Variants in ZMIZ1 observed in about 807,000 individuals in gnomAD.
The protein encoded by ZMIZ1 is zinc finger MIZ domain-containing protein 1.
A neutral mutation model predicts 113.9 loss-of-function variants in ZMIZ1; 17 were observed. The observed-to-expected ratio is 0.15, with a 90% CI of 0.10 to 0.22. The LOEUF (loss-of-function observed/expected upper bound fraction) is 0.22, where lower values mean the gene tolerates loss of function less well. Among genes scored for constraint, ZMIZ1 ranks in the 10% least tolerant of loss-of-function variants. ZMIZ1 has a pLI of 1.00. For missense variants in ZMIZ1, 1,059 were observed against 1,477.8 expected, an observed-to-expected ratio of 0.72 and a Z score of 4.65; for synonymous variants, 607 against 603.1, an observed-to-expected ratio of 1.01 and a Z score of -0.09.
chr10:79,182,202 G>A (rs1043206404), intron 4 of ZMIZ1, among the ~76,000 whole-genome samples: 37 of 152,198 alleles, frequency 2.4e-4, no homozygotes, highest in South Asian at 2.1e-4. Flanking sequence ...AATTTAATCC[G>A]CCCAAGCTCA....
intron 1 of ZMIZ1, among the ~76,000 whole-genome samples, chr10:79,087,950 C>T (rs1043703732): frequency 6.6e-6 from 1 of 152,234 alleles, no homozygotes; most frequent in Non-Finnish European, 1.5e-5. Flanking sequence ...CCACAGCCAC[C>T]ACCAGGCTCT....
intron 1 of ZMIZ1, among the ~76,000 whole-genome samples, chr10:79,082,782 C>T (rs1842698100): frequency 6.6e-6 from 1 of 152,214 alleles, no homozygotes; most frequent in African/African-American, 2.4e-5. Flanking sequence ...AGACCTCTGC[C>T]AGGCCCTGCG....
intron 8 of ZMIZ1, among the ~76,000 whole-genome samples, chr10:79,284,446 G>A (rs1244091937): frequency 6.6e-6 from 1 of 152,138 alleles, no homozygotes; most frequent in African/African-American, 2.4e-5. Flanking sequence ...ATTTTTTCTA[G>A]TTGACAGGTA....
Position 79,294,476 on chromosome 10 carries a change from G to C in ZMIZ1, c.1230+823G>C, listed in dbSNP as rs531895971. The C allele has an allele frequency of 4.6e-5, 7 of 152,498 alleles. No individual in the cohort carries two copies. In the South Asian group the frequency reaches 1.4e-3, roughly 32 times the overall value. 9.4% of individuals were successfully genotyped at this position (152,498 alleles called of 1,614,324 possible). On this transcript the variant is annotated intron_variant, in intron 12 of 24. Transcript: ENST00000334512. ...AAAAGTTTTTAGCAGAGACTCACCA[G>C]GGAATGAAGCATAGCAGACTGCACA... is the stretch of plus-strand genomic sequence containing the variant.
At chr10:79,223,853 G>A (rs985287361) in intron 7 of ZMIZ1, among the ~76,000 whole-genome samples, 1 of 152,226 alleles carries the variant, frequency 6.6e-6, no homozygotes, top group South Asian at 2.1e-4. Context: ...GAGGGATGAG[G>A]CCTGAGATCC....
chr10:79,270,481 C>A (rs1232882505), intron 7 of ZMIZ1, among the ~76,000 whole-genome samples: 5 of 152,164 alleles, frequency 3.3e-5, no homozygotes, highest in Admixed American at 6.5e-5. Flanking sequence ...AGATACCAGC[C>A]CTGGTCGCAC....
At position 79,298,466 on chromosome 10, in the gene ZMIZ1, C is replaced by A; in HGVS notation, c.1552C>A (p.Pro518Thr). 8.7e-6 allele frequency: 14 copies of A among 1,605,474 alleles called. No homozygotes were observed. The highest frequency in any genetic ancestry group is 1.1e-5 in the Non-Finnish European group (13 of 1,176,114). ...PHSPVPGNPT[P>T]PMTPGSSIPP... ...CTCACCTGTTCCAGGGAACCCCACA[C>A]CCCCCATGACCCCTGGGAGCAGCAT... is the stretch of plus-strand genomic sequence containing the variant. The change falls in exon 15 of 25, where the codon CCC becomes ACC. Residue 518 changes from proline to threonine, a missense_variant. Coordinates refer to ENST00000334512, the MANE Select transcript of ZMIZ1 (RefSeq NM_020338.4).
rs1236747463 is a variant in ZMIZ1 at position 79,119,011 on chromosome 10, A to G, written c.-240A>G. The stretch of plus-strand genomic sequence containing the variant: ...CAGACTTGAGTCCTGGTCCTTCTGC[A>G]GAGGCCTGAGCAGGTAAGTGGGATG... On this transcript the variant is annotated 5_prime_UTR_variant, in exon 2 of 25. Transcript: ENST00000334512. 1.3e-5 allele frequency: 2 copies of G among 152,644 alleles called. No individual in the cohort carries two copies. Among genetic ancestry groups the G allele is most frequent in the African/African-American group, 4.8e-5 (2 of 41,580 alleles). 9.5% of individuals were successfully genotyped at this position (152,644 alleles called of 1,614,324 possible).
intron 4 of ZMIZ1, among the ~76,000 whole-genome samples, chr10:79,162,655 C>T (rs1846161739): frequency 6.6e-6 from 1 of 152,218 alleles, no homozygotes; most frequent in Non-Finnish European, 1.5e-5. Context: ...ACCCATCTAT[C>T]AAATGGGAAT....
Position 79,296,495 on chromosome 10 carries a change from G to A in ZMIZ1, c.1255G>A (p.Gly419Arg). The A allele has an allele frequency of 6.8e-6, 11 of 1,613,990 alleles. No individual in the cohort carries two copies. Among genetic ancestry groups the A allele is most frequent in the Non-Finnish European group, 9.3e-6 (11 of 1,179,970 alleles). ...GCCCAACTATGGAAACCAGCAATAT[G>A]GACCAAACAGCCAGTTCCCCACCCA... ...GEPNYGNQQY[G>R]PNSQFPTQPG... The change falls in exon 13 of 25, where the codon GGA (glycine) becomes AGA (arginine). Residue 419 changes from glycine to arginine, a missense_variant. Coordinates refer to ENST00000334512, the MANE Select transcript of ZMIZ1 (RefSeq NM_020338.4). The surrounding 1 kb of genome is among the most constrained non-coding windows in gnomAD (Gnocchi z 4.1).
At chr10:79,239,383 A>G (rs1370559312) in intron 7 of ZMIZ1, among the ~76,000 whole-genome samples, 4 of 152,214 alleles carry the variant, frequency 2.6e-5, no homozygotes, top group Non-Finnish European at 4.4e-5. Context: ...TGGATGGCCC[A>G]GGCAGCTCCC....
chr10:79,101,701 G>A (rs570476527), intron 1 of ZMIZ1, among the ~76,000 whole-genome samples: 1 of 152,334 alleles, frequency 6.6e-6, no homozygotes, highest in South Asian at 2.1e-4. Context: ...CAGGGAGGGA[G>A]GGAGGCGGGT....
At chr10:79,146,585 C>T (rs975353443) in intron 3 of ZMIZ1, among the ~76,000 whole-genome samples, 2 of 152,246 alleles carry the variant, frequency 1.3e-5, no homozygotes, top group Non-Finnish European at 2.9e-5. Flanking sequence ...CAACGTTGGG[C>T]TTTGGGATTC....
chr10:79,169,340 G>T (rs578154130), intron 4 of ZMIZ1, among the ~76,000 whole-genome samples: 2 of 152,274 alleles, frequency 1.3e-5, no homozygotes, highest in South Asian at 2.1e-4. Context: ...TCAGGTAGGG[G>T]TTCCCAGTTG....
intron 1 of ZMIZ1, among the ~76,000 whole-genome samples, chr10:79,111,710 C>T (rs983235722): frequency 6.6e-6 from 1 of 152,224 alleles, no homozygotes; most frequent in Non-Finnish European, 1.5e-5. Context: ...AAGCTTGCCC[C>T]TTCCCTCACC....
intron 7 of ZMIZ1, among the ~76,000 whole-genome samples, chr10:79,240,760 G>C (rs1849795530): frequency 6.7e-6 from 1 of 149,446 alleles, no homozygotes; most frequent in Non-Finnish European, 1.5e-5. Flanking sequence ...TACCAGAGTG[G>C]GTACCTGGGA....
chr10:79,122,781 G>T (rs565288728), intron 2 of ZMIZ1, among the ~76,000 whole-genome samples: 15 of 152,180 alleles, frequency 9.9e-5, no homozygotes, highest in Non-Finnish European at 1.5e-4. Context: ...TAAGTTCCTG[G>T]GCTGAGGTCA....
At position 79,277,362 on chromosome 10, in the gene ZMIZ1, A is replaced by G. The variant is rs200804963; in HGVS notation, c.425+37A>G. On this transcript the variant is annotated intron_variant, in intron 8 of 24. Transcript: ENST00000334512. ...GGTGCCATGGGTGCAGGTACTGAGC[A>G]GACACCCCTCTGGTCTCAGATCTCC... The G allele has an allele frequency of 2.9e-5, 44 of 1,537,122 alleles. No homozygotes were observed. The East Asian group carries it at 9.4e-4, about 33-fold the overall frequency.
At chr10:79,223,066 C>T (rs761240920) in intron 7 of ZMIZ1, among the ~76,000 whole-genome samples, 5 of 152,252 alleles carry the variant, frequency 3.3e-5, no homozygotes, top group Non-Finnish European at 7.3e-5. Flanking sequence ...CTCCCCCTCA[C>T]GCCTCCCTTG....
Sources: allele counts gnomAD v4.1 joint callset (sites outside exome capture counted in the v4.1 genomes callset), GRCh38; gene constraint gnomAD v4.1.1; non-coding constraint Gnocchi (gnomAD v3.1); transcripts MANE v1.5; gene names NCBI Gene and HGNC (gene_info 2026-07-23, HGNC 2026-07-21).